FAM135B: variants seen among roughly 807,000 people sequenced by gnomAD.
FAM135B encodes family with sequence similarity 135 member B, also known as protein FAM135B.
Under a neutral mutation model 127.7 loss-of-function variants are expected in FAM135B, and 43 were observed. The observed-to-expected ratio is 0.34, with a 90% CI of 0.26 to 0.43. FAM135B has a LOEUF of 0.43. Among genes scored for constraint, FAM135B ranks in the 20% least tolerant of loss-of-function variants. The pLI is 1.00. For synonymous variants in FAM135B, 670 were observed against 665.1 expected, an observed-to-expected ratio of 1.01 and a Z score of -0.11; for missense variants, 1,558 against 1,725.6, an observed-to-expected ratio of 0.90 and a Z score of 1.72.
chr8:138,178,825 A>G (rs1003371224), intron 9 of FAM135B, 135 bp from the exon 10 acceptor site: 4 of 676,968 alleles, frequency 5.9e-6, no homozygotes, highest in Non-Finnish European at 2.5e-6. Flanking sequence ...GTAGTATTAT[A>G]TATTACAACT....
intron 1 of FAM135B, among the ~76,000 whole-genome samples, chr8:138,381,520 G>A (rs950491399): frequency 3.9e-5 from 6 of 152,156 alleles, no homozygotes; most frequent in African/African-American, 1.2e-4. Flanking sequence ...TAGGCTGTGA[G>A]CTCCATAAAT....
At position 138,452,577 on chromosome 8, in the gene FAM135B, T is replaced by C. The variant is rs1420872541; in HGVS notation, c.-20+44094A>G. Among the ~76,000 whole-genome samples, 3 of 152,192 alleles carry C rather than the reference T, an allele frequency of 2.0e-5. No homozygotes were observed. The East Asian group carries it at 5.8e-4, about 29-fold the overall frequency. On this transcript the variant is annotated intron_variant, in intron 1 of 19. Coordinates refer to ENST00000395297, the MANE Select transcript of FAM135B (RefSeq NM_015912.4). Reference sequence around the variant, plus strand: ...TCCTTCTGTGTCTTTTCCACTACACTGTAATAATTATCTACACTGGTTAAC... The same window carrying C: ...TCCTTCTGTGTCTTTTCCACTACACCGTAATAATTATCTACACTGGTTAAC...
At position 138,152,452 on chromosome 8, in the gene FAM135B, C is replaced by T. The variant is rs558295175; in HGVS notation, c.2023G>A (p.Val675Ile). Residue 675 changes from valine (V) to isoleucine (I), a missense_variant, in exon 13 of 20, where the codon GTC becomes ATC. By Grantham distance (29) the Val-to-Ile change is conservative. Transcript: ENST00000395297. ...EQEELSVLSG[V>I]IKRSSSIISD... is the part of the protein sequence containing the mutation. Reference sequence around the variant, plus strand: ...ATGATGGATGAAGATCTCTTGATGACCCCGGATAGCACTGAGAGTTCCTCC... The same window carrying T: ...ATGATGGATGAAGATCTCTTGATGATCCCGGATAGCACTGAGAGTTCCTCC... 3.1e-6 allele frequency: 5 copies of T among 1,614,066 alleles called. No homozygotes were observed. In the Admixed American group the frequency reaches 6.7e-5, roughly 22 times the overall value.
intron 3 of FAM135B, among the ~76,000 whole-genome samples, chr8:138,293,895 G>T (rs1825297095): frequency 6.6e-6 from 1 of 152,088 alleles, no homozygotes; most frequent in Non-Finnish European, 1.5e-5. Context: ...CCAGTGGTGG[G>T]TATCCACCCA....
chr8:138,378,602 A>T (rs935298296), intron 1 of FAM135B, among the ~76,000 whole-genome samples: 2 of 152,168 alleles, frequency 1.3e-5, no homozygotes, highest in Admixed American at 1.3e-4. Flanking sequence ...TTAGGAGCAG[A>T]GGGGAGGCTA....
chr8:138,415,255 C>T (rs770146885), intron 1 of FAM135B, among the ~76,000 whole-genome samples: 3 of 152,144 alleles, frequency 2.0e-5, no homozygotes, highest in Non-Finnish European at 2.9e-5. Flanking sequence ...CTACAAAAAA[C>T]AGCTCCATTT....
rs7816196 is a variant in FAM135B, at chr8:138,141,142, C to T, written c.3790+56G>A. 3.9e-4 allele frequency: 614 copies of T among 1,564,552 alleles called. 6 individuals carry two copies. The African/African-American group carries it at 6.7e-3, about 17-fold the overall frequency. ...GTGGAAGTACCTGTGCCCGGTTTCA[C>T]GCCCCAGAGGCCCCAGATTAATTCT... On this transcript the variant is annotated intron_variant, in intron 17 of 19. Transcript: ENST00000395297. The surrounding 1 kb of genome is among the most constrained non-coding windows in gnomAD (Gnocchi z 4.7).
intron 1 of FAM135B, among the ~76,000 whole-genome samples, chr8:138,448,058 T>G: frequency 8.0e-6 from 1 of 124,956 alleles, no homozygotes; most frequent in African/African-American, 3.3e-5. Flanking sequence ...GGAAAAAAAA[T>G]AAGAAAGCAG....
chr8:138,411,358 C>T (rs1385020147), intron 1 of FAM135B, among the ~76,000 whole-genome samples: 1 of 151,942 alleles, frequency 6.6e-6, no homozygotes, highest in Admixed American at 6.6e-5. Flanking sequence ...TATCTGATGA[C>T]AAACCTGAGA....
intron 1 of FAM135B, among the ~76,000 whole-genome samples, chr8:138,489,963 C>T (rs1815136334): frequency 6.6e-6 from 1 of 152,174 alleles, no homozygotes; most frequent in African/African-American, 2.4e-5. Context: ...TCTATCATAG[C>T]TTTGCCACTG....
intron 1 of FAM135B, among the ~76,000 whole-genome samples, chr8:138,493,384 G>C (rs1447616668): frequency 1.3e-5 from 2 of 152,084 alleles, no homozygotes. Context: ...TTCTCTTGTA[G>C]AACTGTAGGT....
chr8:138,284,376 C>T lies in FAM135B; in HGVS notation c.158-18534G>A, dbSNP rs570986638. ...CCGACTCCTGTGCAGACTTTCTCCA[C>T]AGTTTTGTCTGAGAAGAATCTTTTC... On this transcript the variant is annotated intron_variant, in intron 3 of 19. Transcript: ENST00000395297. Among the ~76,000 whole-genome samples, 14 of 152,264 alleles carry T rather than the reference C, an allele frequency of 9.2e-5. No homozygotes were observed. The South Asian group carries it at 2.9e-3, about 32-fold the overall frequency.
intron 2 of FAM135B, among the ~76,000 whole-genome samples, chr8:138,314,160 G>T (rs1260575192): frequency 6.6e-6 from 1 of 152,118 alleles, no homozygotes; most frequent in Non-Finnish European, 1.5e-5. Context: ...TGCTGACTGA[G>T]ATCAATGGTA....
chr8:138,444,136 C>T (rs945925205), intron 1 of FAM135B, among the ~76,000 whole-genome samples: 13 of 152,102 alleles, frequency 8.5e-5, no homozygotes, highest in African/African-American at 2.9e-4. Flanking sequence ...TACAGGAGCA[C>T]CCAGATTCAT....
intron 1 of FAM135B, among the ~76,000 whole-genome samples, chr8:138,433,539 A>C (rs1180578575): frequency 6.7e-6 from 1 of 148,320 alleles, no homozygotes; most frequent in African/African-American, 2.5e-5. Context: ...ATAAATAAAT[A>C]AATAAATAAA....
intron 2 of FAM135B, among the ~76,000 whole-genome samples, chr8:138,316,804 C>A (rs1475301717): frequency 6.6e-6 from 1 of 151,916 alleles, no homozygotes; most frequent in Admixed American, 6.6e-5. Flanking sequence ...CACGGTGAAA[C>A]CCCGTCTCTA....
chr8:138,448,131 A>G (rs1289735474), intron 1 of FAM135B, among the ~76,000 whole-genome samples: 1 of 151,814 alleles, frequency 6.6e-6, no homozygotes, highest in Non-Finnish European at 1.5e-5. Context: ...AAAAAGAAAA[A>G]GTACTTGGGG....
chr8:138,298,016 C>T (rs1825601800), intron 3 of FAM135B, among the ~76,000 whole-genome samples: 1 of 152,158 alleles, frequency 6.6e-6, no homozygotes, highest in South Asian at 2.1e-4. Context: ...GACTTGAATC[C>T]TACCTCCACG....
chr8:138,441,665 G>A (rs1272008463), intron 1 of FAM135B: 1 of 151,640 alleles, frequency 6.6e-6, no homozygotes, highest in Non-Finnish European at 1.5e-5. Context: ...CTGCAAGTAT[G>A]TTCTCTTCTT....
Sources: gnomAD v4.1 joint callset for allele counts (sites outside exome capture counted in the v4.1 genomes callset) on GRCh38, gnomAD v4.1.1 for gene constraint, Gnocchi (gnomAD v3.1) non-coding constraint, MANE v1.5 for transcripts, NCBI Gene and HGNC (gene_info 2026-07-23, HGNC 2026-07-21) for gene names.